Variants in ANTXR1 observed in about 807,000 individuals in gnomAD.
ANTXR1 encodes ANTXR cell adhesion molecule 1, also known as anthrax toxin receptor 1.
ANTXR1 carries 19 observed loss-of-function variants against 78.1 expected under a neutral mutation model. That is an observed-to-expected ratio of 0.24 (90% CI 0.17 to 0.36). ANTXR1 has a LOEUF of 0.36. Ranked by LOEUF, ANTXR1 falls within the 10% of genes least tolerant of loss-of-function variation. The pLI is 1.00. For synonymous variants in ANTXR1, 273 were observed against 260.5 expected, an observed-to-expected ratio of 1.05 and a Z score of -0.46; for missense variants, 518 against 718.6, an observed-to-expected ratio of 0.72 and a Z score of 3.19.
In ANTXR1 at chr2:69,070,628, G is replaced by C. The variant is rs760816015; in HGVS notation, c.297-19G>C. 1 of 1,612,706 alleles carries C rather than the reference G, an allele frequency of 6.2e-7. No individual in the cohort carries two copies. The highest frequency in any genetic ancestry group is 8.5e-7 in the Non-Finnish European group (1 of 1,178,830). ...AAAAAATACTCAAATAAGACTAACAGAGTGTCTTTGGATTTCAGAGAACAA... is the reference window on the plus strand; with the variant it reads ...AAAAAATACTCAAATAAGACTAACACAGTGTCTTTGGATTTCAGAGAACAA... On this transcript the variant is annotated intron_variant, in intron 3 of 17. Transcript: ENST00000303714.
chr2:69,196,630 A>C (rs922668248), intron 17 of ANTXR1, among the ~76,000 whole-genome samples: 7 of 152,210 alleles, frequency 4.6e-5, no homozygotes, highest in Admixed American at 4.6e-4. Context: ...TGAGTCTGTA[A>C]GAATTCTTCA....
At chr2:69,222,452 T>A (rs1675342280) in intron 17 of ANTXR1, among the ~76,000 whole-genome samples, 1 of 152,198 alleles carries the variant, frequency 6.6e-6, no homozygotes, top group African/African-American at 2.4e-5. Flanking sequence ...ACTATCATTG[T>A]CTCCATCTGC....
intron 13 of ANTXR1, 42 bp downstream of exon 13, chr2:69,152,306 C>G: frequency 6.3e-7 from 1 of 1,580,358 alleles, no homozygotes; most frequent in Non-Finnish European, 8.7e-7. Context: ...TGAAGGGTGA[C>G]ATAAAGTTCA....
intron 13 of ANTXR1, among the ~76,000 whole-genome samples, chr2:69,152,948 T>C (rs77139852): frequency 0.044 from 6,735 of 152,220 alleles, 207 homozygotes; most frequent in Non-Finnish European, 0.07. Context: ...TCCCAAATGG[T>C]AAATGTCTGG....
At chr2:69,149,275 C>T (rs1194726840) in intron 12 of ANTXR1, among the ~76,000 whole-genome samples, 1 of 152,174 alleles carries the variant, frequency 6.6e-6, no homozygotes, top group Non-Finnish European at 1.5e-5. Flanking sequence ...GGGAACTGGG[C>T]CTCATTAGGG....
chr2:69,184,511 G>A lies in ANTXR1; in HGVS notation c.1353+1851G>A, dbSNP rs145242389. 1.1e-3 allele frequency among the ~76,000 whole-genome samples: 174 copies of A among 152,316 alleles called. 1 individual carries two copies. Among genetic ancestry groups the A allele is most frequent in the African/African-American group, 4.1e-3 (170 of 41,562 alleles). ...AAGAAAGGGGATTTTCTGTTATGCC[G>A]TTCTCAGGAATCTGTACCTTGTGAC... On this transcript the variant is annotated intron_variant, in intron 16 of 17. Coordinates refer to ENST00000303714, the MANE Select transcript of ANTXR1 (RefSeq NM_032208.3).
At position 69,013,586 on chromosome 2, in the gene ANTXR1, G is replaced by A; in HGVS notation, c.87G>A (p.Gly29=). 6.4e-7 allele frequency: 1 copy of A among 1,565,954 alleles called. No homozygotes were observed. The highest frequency in any genetic ancestry group is 8.7e-7 in the Non-Finnish European group (1 of 1,154,556). The change falls in exon 1 of 18, where the codon GGG becomes GGA. Residue 29 remains glycine, a synonymous_variant. Transcript: ENST00000303714. This position sits in a 1 kb window ranked among gnomAD's most constrained non-coding sequence, Gnocchi z 5.0. The part of the protein sequence containing the change: ...ATLVLICAGQ[G]GRREDGGPAC... ...TGGTGCTCATCTGCGCCGGGCAAGG[G>A]GGACGCAGGGAGGATGGGGGTCCAG...
rs578128468 is a variant in ANTXR1, at chr2:69,112,071, G to A, written c.802+9131G>A. Among the ~76,000 whole-genome samples, 127 of 152,312 alleles carry A rather than the reference G, an allele frequency of 8.3e-4. 1 individual carries two copies. Among genetic ancestry groups the A allele is most frequent in the Non-Finnish European group, 1.6e-3 (107 of 68,028 alleles). On this transcript the variant is annotated intron_variant, in intron 10 of 17. Transcript: ENST00000303714. ...TGAAGGTGATGAAATGCCATTTTGT[G>A]TAACTCAGAATGAAGAGACGTAAAG...
chr2:69,152,246 G>A lies in ANTXR1; in HGVS notation c.1029G>A (p.Trp343Ter). 1 of 1,614,134 alleles carries A rather than the reference G, an allele frequency of 6.2e-7. No homozygotes were observed. The highest frequency in any genetic ancestry group is 8.5e-7 in the Non-Finnish European group (1 of 1,180,022). The change falls in exon 13 of 18, where the codon TGG becomes TGA. Residue 343 changes from tryptophan (W) to a stop codon, truncating the protein, a stop_gained. Transcript: ENST00000303714. LOFTEE classifies it high-confidence loss of function. The stretch of plus-strand genomic sequence containing the variant: ...CCCTGGCTCTCCTCTGGTGGTTCTG[G>A]CCCCTCTGCTGCACTGTGGTAAGTG... ...LLALALLWWF[W>*]PLCCTVIIKE...
At chr2:69,171,514 G>T (rs754950375) in intron 14 of ANTXR1, among the ~76,000 whole-genome samples, 1 of 152,220 alleles carries the variant, frequency 6.6e-6, no homozygotes, top group Non-Finnish European at 1.5e-5. Flanking sequence ...AATAGAGCAA[G>T]GAGCTCCCTT....
At position 69,136,558 on chromosome 2, in the gene ANTXR1, T is replaced by C. The variant is rs561152530; in HGVS notation, c.951+11915T>C. On this transcript the variant is annotated intron_variant, in intron 12 of 17. Transcript: ENST00000303714. ...TTTGTGAGTCAAAGTAATATCATAATGTAAATTAGAAAATACTTAGAACTG... is the reference window on the plus strand; with the variant it reads ...TTTGTGAGTCAAAGTAATATCATAACGTAAATTAGAAAATACTTAGAACTG... Among the ~76,000 whole-genome samples the C allele has an allele frequency of 4.6e-5, 7 of 152,356 alleles. No homozygotes were observed. The East Asian group carries it at 1.2e-3, about 25-fold the overall frequency.
At chr2:69,171,465 G>A (rs1285704509) in intron 14 of ANTXR1, among the ~76,000 whole-genome samples, 2 of 152,236 alleles carry the variant, frequency 1.3e-5, no homozygotes, top group Non-Finnish European at 2.9e-5. Flanking sequence ...CTTCTGTTAT[G>A]TGCAGCTATC....
chr2:69,080,279 G>T (rs191957233), intron 8 of ANTXR1, among the ~76,000 whole-genome samples: 1 of 152,250 alleles, frequency 6.6e-6, no homozygotes, highest in African/African-American at 2.4e-5. Flanking sequence ...TTTTTAAGAA[G>T]TAGATTCATT....
intron 14 of ANTXR1, among the ~76,000 whole-genome samples, chr2:69,173,649 A>T (rs1674047324): frequency 6.6e-6 from 1 of 152,190 alleles, no homozygotes; most frequent in South Asian, 2.1e-4. Context: ...ACACCCAGGA[A>T]TCCATACCAT....
chr2:69,145,231 C>A lies in ANTXR1; in HGVS notation c.952-6938C>A, dbSNP rs1424808868. 27 of 1,280,314 alleles carry A rather than the reference C, an allele frequency of 2.1e-5. 1 individual carries two copies. In the South Asian group the frequency reaches 3.0e-4, roughly 14 times the overall value. The allele number at this position is 1,280,314 out of a possible 1,614,324, so 79.3% of individuals were successfully genotyped here. A position where few individuals can be genotyped will look rare whatever the true frequency, so the allele number is the denominator to read the frequency against. On this transcript the variant is annotated intron_variant, in intron 12 of 17. Transcript: ENST00000303714. ...GGCTGATTCGCTTAAACTTTAGGGA[C>A]CCTCACTTGCATGGGTCCCTGCTAG...
intron 13 of ANTXR1, among the ~76,000 whole-genome samples, chr2:69,169,334 G>A (rs1573950814): frequency 1.3e-5 from 2 of 152,388 alleles, no homozygotes; most frequent in East Asian, 3.9e-4. Flanking sequence ...CTGATAATAA[G>A]TTTGGGGTGA....
intron 10 of ANTXR1, among the ~76,000 whole-genome samples, chr2:69,121,705 G>A (rs1403105646): frequency 6.6e-6 from 1 of 152,168 alleles, no homozygotes; most frequent in Non-Finnish European, 1.5e-5. Flanking sequence ...GGAACTTGTA[G>A]TCACAGCCTG....
At chr2:69,023,358 T>C (rs987093330) in intron 1 of ANTXR1, among the ~76,000 whole-genome samples, 6 of 151,798 alleles carry the variant, frequency 4.0e-5, no homozygotes, top group Admixed American at 3.9e-4. Context: ...ATTATGGCAA[T>C]GTTGATAGTT....
In ANTXR1 at chr2:69,219,384, G is replaced by GACACACACACACACACACACACAC. The variant is rs377200577; in HGVS notation, c.1435-25826_1435-25803dup. Among the ~76,000 whole-genome samples, 1,317 of 132,228 alleles carry GACACACACACACACACACACACAC rather than the reference G, an allele frequency of 1.0e-2. 49 individuals carry two copies. The highest frequency in any genetic ancestry group is 0.061 in the East Asian group (208 of 3,408). 86.7% of individuals were successfully genotyped at this position (132,228 alleles called of 152,430 possible). On this transcript the variant is annotated intron_variant, in intron 17 of 17. Transcript: ENST00000303714. ...ACATCACAGTGTCCACCAGAAGGAG[G>GACACACACACACACACACACACAC]ACACACACACACACACACACACACA...
Sources: allele counts gnomAD v4.1 joint callset (sites outside exome capture counted in the v4.1 genomes callset), GRCh38; gene constraint gnomAD v4.1.1; non-coding constraint Gnocchi (gnomAD v3.1); transcripts MANE v1.5; gene names NCBI Gene and HGNC (gene_info 2026-07-23, HGNC 2026-07-21).